Variants in MUCL3 observed in about 807,000 individuals in gnomAD.
The protein encoded by MUCL3 is mucin-like protein 3.
MUCL3 carries 42 observed loss-of-function variants against 70.2 expected under a neutral mutation model. The ratio of observed to expected loss-of-function variants is 0.60; its 90% confidence interval spans 0.47 to 0.77. MUCL3 has a LOEUF of 0.77. Among genes scored for constraint, MUCL3 ranks in the 30% least tolerant of loss-of-function variants. MUCL3 has a pLI of 0.00. For missense variants in MUCL3, 1,429 were observed against 1,670.0 expected (o/e 0.86, Z 2.52); for synonymous variants, 522 against 647.0 (o/e 0.81, Z 2.93).
chr6:30,950,729 C>A lies in MUCL3; in HGVS notation c.2265C>A (p.Ser755=). The change falls in exon 2 of 3, where the codon TCC becomes TCA. Residue 755 remains serine, a synonymous_variant. Coordinates refer to ENST00000462446, the MANE Select transcript of MUCL3 (RefSeq NM_080870.4). ...CAGCCAATGAGAACACCACACCATC[C>A]CCAGCACAGCCTACAGAAAATGGAG... ...ERTANENTTP[S]PAQPTENGDR... The A allele has an allele frequency of 2.6e-6, 4 of 1,548,792 alleles. No homozygotes were observed. In the African/African-American group the frequency reaches 4.2e-5, roughly 16 times the overall value.
chr6:30,940,975 C>T lies in MUCL3; in HGVS notation c.-25C>T. ...AGGTGAGGGGTCCGCAGCCCATGGTCCCCAAGCAGCCACCCAGCTCCGACA... is the reference window on the plus strand; with the variant it reads ...AGGTGAGGGGTCCGCAGCCCATGGTTCCCAAGCAGCCACCCAGCTCCGACA... On this transcript the variant is annotated 5_prime_UTR_variant, in exon 1 of 3. Coordinates refer to ENST00000462446, the MANE Select transcript of MUCL3 (RefSeq NM_080870.4). This position sits in a 1 kb window ranked among gnomAD's most constrained non-coding sequence, Gnocchi z 4.4. 1 of 1,547,178 alleles carries T rather than the reference C, an allele frequency of 6.5e-7. No individual in the cohort carries two copies. The highest frequency in any genetic ancestry group is 8.7e-7 in the Non-Finnish European group (1 of 1,146,908).
In MUCL3 at chr6:30,951,867, G is replaced by C. The variant is rs1760723827; in HGVS notation, c.3403G>C (p.Ala1135Pro). ...STEHRDRATS[A>P]NVITPAPAEP... is the part of the protein sequence containing the mutation. ...AGAACATAGAGATAGGGCTACATCA[G>C]CCAATGTGATCACACCAGCCCCAGC... is the stretch of plus-strand genomic sequence containing the variant. Residue 1135 changes from alanine to proline, a missense_variant, in exon 2 of 3, where the codon GCC becomes CCC. Transcript: ENST00000462446. The C allele has an allele frequency of 6.2e-7, 1 of 1,608,870 alleles. No homozygotes were observed. The highest frequency in any genetic ancestry group is 1.1e-5 in the South Asian group (1 of 90,148).
In MUCL3 at chr6:30,950,247, AC is replaced by A. The variant is rs1359794388; in HGVS notation, c.1784del (p.Thr595AsnfsTer53). 2 of 1,550,856 alleles carry A rather than the reference AC, an allele frequency of 1.3e-6. No individual in the cohort carries two copies. The highest frequency in any genetic ancestry group is 2.8e-5 in the African/African-American group (2 of 72,500). ...QRTPFANEKTTSSSAEPTEHE... is the reference protein window; with the variant it reads ...QRTPFANEKTXSSSAEPTEHE... ...GACCCCATTTGCCAATGAGAAGACC[AC>A]ATCATCCTCAGCAGAGCCTACAGAA... On this transcript the variant is annotated frameshift_variant, in exon 2 of 3. Transcript: ENST00000462446. LOFTEE classifies it high-confidence loss of function.
In MUCL3 at chr6:30,952,117, C is replaced by T. The variant is rs762892209; in HGVS notation, c.3653C>T (p.Thr1218Ile). ...GAAAACCTGGGGAACACCACACTGA[C>T]CACTGAGACCATAAAAGCCCCAGTA... is the stretch of plus-strand genomic sequence containing the variant. ...PTENLGNTTL[T>I]TETIKAPVKS... Residue 1218 changes from threonine (T) to isoleucine (I), a missense_variant, in exon 2 of 3, where the codon ACC becomes ATC. Thr to Ile is a moderately conservative substitution (Grantham distance 89). Transcript: ENST00000462446. 6.2e-7 allele frequency: 1 copy of T among 1,612,034 alleles called. No individual in the cohort carries two copies. The highest frequency in any genetic ancestry group is 8.5e-7 in the Non-Finnish European group (1 of 1,179,548).
Position 30,950,706 on chromosome 6 carries a change from G to A in MUCL3, c.2242G>A (p.Ala748Thr). ...GCCTACAGAAAATAGAGAAAGGACAGCCAATGAGAACACCACACCATCCCC... is the reference window on the plus strand; with the variant it reads ...GCCTACAGAAAATAGAGAAAGGACAACCAATGAGAACACCACACCATCCCC... ...AEPTENRERTANENTTPSPAQ... is the reference protein window; with the variant it reads ...AEPTENRERTTNENTTPSPAQ... The change falls in exon 2 of 3, where the codon GCC becomes ACC. Residue 748 changes from alanine (A) to threonine (T), a missense_variant. By Grantham distance (58) the Ala-to-Thr change is moderately conservative. Coordinates refer to ENST00000462446, the MANE Select transcript of MUCL3 (RefSeq NM_080870.4). 1.3e-6 allele frequency: 2 copies of A among 1,549,456 alleles called. No individual in the cohort carries two copies. The highest frequency in any genetic ancestry group is 1.7e-6 in the Non-Finnish European group (2 of 1,146,654).
At chr6:30,952,890 A>G in intron 2 of MUCL3, 81 bp from the exon 3 acceptor site, 1 of 1,528,772 alleles carries the variant, frequency 6.5e-7, no homozygotes. Context: ...AATCTTGAGA[A>G]TAGAATCAAG....
At position 30,948,554 on chromosome 6, in the gene MUCL3, T is replaced by C. The variant is rs750233094; in HGVS notation, c.90T>C (p.Thr30=). The change falls in exon 2 of 3, where the codon ACT becomes ACC. Residue 30 remains threonine, a synonymous_variant. Coordinates refer to ENST00000462446, the MANE Select transcript of MUCL3 (RefSeq NM_080870.4). ...GCCTCTCTCCCTCCACAGGTGCTAC[T>C]ACATTCCAAGAATATCAGAAAACTG... The part of the protein sequence containing the change: ...FLLASWGAGA[T]TFQEYQKTGE... 6.5e-6 allele frequency: 10 copies of C among 1,534,360 alleles called. No individual in the cohort carries two copies. The South Asian group carries it at 1.2e-4, about 19-fold the overall frequency.
Position 30,952,446 on chromosome 6 carries a change from G to T in MUCL3, c.3982G>T (p.Val1328Leu), listed in dbSNP as rs773738458. ...ATTCCCTGCATGGGCCATAGTTATTGTGGTCCTGGTGGCTGTGATTCTCCT... is the reference window on the plus strand; with the variant it reads ...ATTCCCTGCATGGGCCATAGTTATTTTGGTCCTGGTGGCTGTGATTCTCCT... ...DSFPAWAIVI[V>L]VLVAVILLLV... is the part of the protein sequence containing the mutation. Residue 1328 changes from valine to leucine, a missense_variant, in exon 2 of 3, where the codon GTG becomes TTG. Transcript: ENST00000462446. 1.1e-5 allele frequency: 18 copies of T among 1,612,222 alleles called. No homozygotes were observed. The highest frequency in any genetic ancestry group is 6.6e-5 in the South Asian group (6 of 90,612).
At chr6:30,952,734 A>G (rs1760775632) in intron 2 of MUCL3, among the ~76,000 whole-genome samples, 1 of 152,080 alleles carries the variant, frequency 6.6e-6, no homozygotes, top group Admixed American at 6.5e-5. Flanking sequence ...AGGGTGTGAA[A>G]GAGAAAGTGT....
At position 30,952,335 on chromosome 6, in the gene MUCL3, G is replaced by A. The variant is rs981608334; in HGVS notation, c.3871G>A (p.Ala1291Thr). The A allele has an allele frequency of 6.2e-7, 1 of 1,614,178 alleles. No homozygotes were observed. The highest frequency in any genetic ancestry group is 8.5e-7 in the Non-Finnish European group (1 of 1,180,038). ...GAAGCTGAGTTCTATCACATCAGAAGCCACAGGAAACGAGAGCCATCCATA... is the reference window on the plus strand; with the variant it reads ...GAAGCTGAGTTCTATCACATCAGAAACCACAGGAAACGAGAGCCATCCATA... ...RTKLSSITSE[A>T]TGNESHPYLN... The change falls in exon 2 of 3, where the codon GCC becomes ACC. Residue 1291 changes from alanine to threonine, a missense_variant. By Grantham distance (58) the Ala-to-Thr change is moderately conservative (BLOSUM62 0). Transcript: ENST00000462446.
intron 1 of MUCL3, among the ~76,000 whole-genome samples, chr6:30,947,209 C>A (rs1342593917): frequency 6.6e-6 from 1 of 152,118 alleles, no homozygotes; most frequent in East Asian, 1.9e-4. Flanking sequence ...GTATTGCTGC[C>A]AAGGAGATCA....
intron 1 of MUCL3, among the ~76,000 whole-genome samples, chr6:30,942,444 C>T (rs115503250): frequency 0.031 from 4,769 of 152,204 alleles, 220 homozygotes; most frequent in African/African-American, 0.1. Context: ...AGGACAGAGC[C>T]ATCCACAGGG....
Position 30,950,002 on chromosome 6 carries a change from C to G in MUCL3, c.1538C>G (p.Thr513Arg), listed in dbSNP as rs371970299. 5.1e-4 allele frequency: 792 copies of G among 1,548,912 alleles called. 2 individuals carry two copies. Among genetic ancestry groups the G allele is most frequent in the Admixed American group, 6.7e-4 (34 of 50,688 alleles). ...QRTPFANEKT[T>R]SSSAEPTEHG... The stretch of plus-strand genomic sequence containing the variant: ...ACCCCATTTGCCAATGAGAAAACCA[C>G]ATCATCCTCAGCAGAGCCTACAGAA... Residue 513 changes from threonine to arginine, a missense_variant, in exon 2 of 3, where the codon ACA becomes AGA. Transcript: ENST00000462446.
intron 1 of MUCL3, among the ~76,000 whole-genome samples, chr6:30,942,035 T>A (rs1795600302): frequency 6.6e-6 from 1 of 152,152 alleles, no homozygotes. Flanking sequence ...TGGATGCTGC[T>A]GCCCAGCCGT....
At chr6:30,952,836 T>G in intron 2 of MUCL3, 135 bp from the exon 3 acceptor site, 2 of 1,236,574 alleles carry the variant, frequency 1.6e-6, no homozygotes, top group Non-Finnish European at 2.2e-6. Flanking sequence ...CTGGGACTCA[T>G]TGTATTGGAC....
At chr6:30,943,974 C>T (rs75480495) in intron 1 of MUCL3, among the ~76,000 whole-genome samples, 7,305 of 151,906 alleles carry the variant, frequency 0.048, 231 homozygotes, top group Admixed American at 0.081. Context: ...CAACTGTGCC[C>T]ACCAGCTTTT....
chr6:30,953,254 C>T lies in MUCL3; in HGVS notation c.*137C>T, dbSNP rs1760805156. The stretch of plus-strand genomic sequence containing the variant: ...ACGGTTACCAGTATTAACCCTTCAT[C>T]TGTTCTTGAAACTGGTTGGGGAATG... On this transcript the variant is annotated 3_prime_UTR_variant, in exon 3 of 3. Transcript: ENST00000462446. 1 of 1,323,824 alleles carries T rather than the reference C, an allele frequency of 7.6e-7. No individual in the cohort carries two copies. The highest frequency in any genetic ancestry group is 1.5e-5 in the African/African-American group (1 of 67,740). 82.0% of individuals were successfully genotyped at this position (1,323,824 alleles called of 1,614,324 possible).
intron 2 of MUCL3, 31 bp downstream of exon 2, chr6:30,952,530 A>G (rs1255512512): frequency 6.4e-7 from 1 of 1,550,404 alleles, no homozygotes; most frequent in East Asian, 2.2e-5. Context: ...ACAGAAATCA[A>G]CCTATGGGAT....
At chr6:30,941,152 A>G in intron 1 of MUCL3, 71 bp downstream of exon 1, 1 of 1,511,544 alleles carries the variant, frequency 6.6e-7, no homozygotes. Flanking sequence ...TTGGACAACA[A>G]ATAGAAATGA....
Sources: allele counts gnomAD v4.1 joint callset (sites outside exome capture counted in the v4.1 genomes callset), GRCh38; gene constraint gnomAD v4.1.1; non-coding constraint Gnocchi (gnomAD v3.1); transcripts MANE v1.5; gene names NCBI Gene and HGNC (gene_info 2026-07-23, HGNC 2026-07-21).